WDR7: variants seen among roughly 807,000 people sequenced by gnomAD.
WDR7 encodes WD repeat domain 7.
In WDR7, 46 loss-of-function variants were observed where a neutral mutation model predicts 169.4. The ratio of observed to expected loss-of-function variants is 0.27; its 90% confidence interval spans 0.21 to 0.35. WDR7 has a LOEUF of 0.35. Among genes scored for constraint, WDR7 ranks in the 10% least tolerant of loss-of-function variants. The pLI is 1.00. For missense variants in WDR7, 1,534 were observed against 1,859.3 expected, an observed-to-expected ratio of 0.83 and a Z score of 3.22; for synonymous variants, 612 against 666.8, an observed-to-expected ratio of 0.92 and a Z score of 1.27.
chr18:56,944,905 TTAGA>T (rs1685540633), intron 25 of WDR7, among the ~76,000 whole-genome samples: 2 of 152,178 alleles, frequency 1.3e-5, no homozygotes, highest in South Asian at 2.1e-4. Context: ...TTTTGGAGAA[TTAGA>T]TAGTGATATT....
chr18:56,681,061 C>T (rs987588889), intron 3 of WDR7, among the ~76,000 whole-genome samples: 2 of 152,032 alleles, frequency 1.3e-5, no homozygotes, highest in Middle Eastern at 3.4e-3. Flanking sequence ...TTAACCAAAA[C>T]GGAACCAGGA....
intron 18 of WDR7, among the ~76,000 whole-genome samples, chr18:56,780,527 A>G (rs1451178662): frequency 6.6e-6 from 1 of 152,210 alleles, no homozygotes; most frequent in Non-Finnish European, 1.5e-5. Context: ...TCAATTATAA[A>G]GAGTTAATAG....
At chr18:56,766,771 T>G (rs1427025166) in intron 16 of WDR7, among the ~76,000 whole-genome samples, 1 of 152,180 alleles carries the variant, frequency 6.6e-6, no homozygotes, top group Non-Finnish European at 1.5e-5. Flanking sequence ...TTTTTTTTCC[T>G]TGTCTCTACC....
Position 56,965,352 on chromosome 18 carries a change from T to G in WDR7, c.4164+2823T>G, listed in dbSNP as rs555467279. Among the ~76,000 whole-genome samples, 2 of 151,926 alleles carry G rather than the reference T, an allele frequency of 1.3e-5. 1 individual carries two copies. The highest frequency in any genetic ancestry group is 4.8e-5 in the African/African-American group (2 of 41,450). ...CTGAGAGACTGAAGGGTCATATATGTCCCCTGTTGTCATTGTGAGATTGGT... is the reference window on the plus strand; with the variant it reads ...CTGAGAGACTGAAGGGTCATATATGGCCCCTGTTGTCATTGTGAGATTGGT... On this transcript the variant is annotated intron_variant, in intron 26 of 27. Coordinates refer to ENST00000254442, the MANE Select transcript of WDR7 (RefSeq NM_015285.3).
At chr18:56,695,795 A>T (rs369168003) in intron 11 of WDR7, among the ~76,000 whole-genome samples, 233 of 152,304 alleles carry the variant, frequency 1.5e-3, no homozygotes, top group African/African-American at 5.3e-3. Flanking sequence ...TCGGCCTCTC[A>T]ACAGCCAGTG....
chr18:56,903,660 T>C (rs1305191186), intron 21 of WDR7, among the ~76,000 whole-genome samples: 2 of 152,072 alleles, frequency 1.3e-5, no homozygotes, highest in Non-Finnish European at 2.9e-5. Flanking sequence ...CCTCAAGTGA[T>C]GCGCACTCCT....
At chr18:56,944,659 C>T (rs1414445812) in intron 25 of WDR7, among the ~76,000 whole-genome samples, 1 of 152,176 alleles carries the variant, frequency 6.6e-6, no homozygotes, top group East Asian at 1.9e-4. Flanking sequence ...GCTGTTAAAA[C>T]TTCCGATGTC....
At chr18:57,020,352 T>C (rs1367994693) in intron 26 of WDR7, among the ~76,000 whole-genome samples, 2 of 152,236 alleles carry the variant, frequency 1.3e-5, no homozygotes, top group African/African-American at 4.8e-5. Flanking sequence ...GCTTTGATTG[T>C]TTTTTATTTC....
chr18:56,734,497 T>A (rs1193786633), intron 14 of WDR7, among the ~76,000 whole-genome samples: 1 of 149,692 alleles, frequency 6.7e-6, no homozygotes, highest in Non-Finnish European at 1.5e-5. Context: ...AGGCAAAAAT[T>A]GCCCCCGGTT....
intron 25 of WDR7, among the ~76,000 whole-genome samples, chr18:56,959,072 G>C (rs140703358): frequency 6.6e-6 from 1 of 152,230 alleles, no homozygotes; most frequent in African/African-American, 2.4e-5. Flanking sequence ...TGTTAAACAA[G>C]GTGGCCCATA....
chr18:57,019,526 T>C (rs1174963286), intron 26 of WDR7, among the ~76,000 whole-genome samples: 2 of 152,198 alleles, frequency 1.3e-5, no homozygotes, highest in Non-Finnish European at 1.5e-5. Flanking sequence ...TAACTTTTTT[T>C]TTGAGTGTTA....
intron 20 of WDR7, among the ~76,000 whole-genome samples, chr18:56,816,508 A>T (rs931972401): frequency 6.6e-6 from 1 of 152,240 alleles, no homozygotes; most frequent in Non-Finnish European, 1.5e-5. Flanking sequence ...ACTAAAAAAT[A>T]CTAAAATTTA....
At chr18:56,939,045 A>C (rs1254710009) in intron 24 of WDR7, among the ~76,000 whole-genome samples, 3 of 152,264 alleles carry the variant, frequency 2.0e-5, no homozygotes, top group South Asian at 4.1e-4. Context: ...TGAATAATGT[A>C]TTATGTACAT....
At chr18:56,852,810 T>C (rs2045661721) in intron 20 of WDR7, among the ~76,000 whole-genome samples, 1 of 152,160 alleles carries the variant, frequency 6.6e-6, no homozygotes, top group Admixed American at 6.5e-5. Flanking sequence ...TCATTTGAAA[T>C]AAAAATATAT....
At chr18:56,829,313 A>C (rs765653514) in intron 20 of WDR7, among the ~76,000 whole-genome samples, 8 of 151,786 alleles carry the variant, frequency 5.3e-5, no homozygotes, top group Non-Finnish European at 1.2e-4. Context: ...CACACACACA[A>C]AATAGGACTG....
chr18:56,957,771 T>C (rs1343588599), intron 25 of WDR7, among the ~76,000 whole-genome samples: 1 of 152,114 alleles, frequency 6.6e-6, no homozygotes, highest in Non-Finnish European at 1.5e-5. Flanking sequence ...TACGCTTAGA[T>C]TTAAGATGGT....
At chr18:56,809,044 TACTC>T (rs1363920328) in intron 19 of WDR7, among the ~76,000 whole-genome samples, 1 of 152,094 alleles carries the variant, frequency 6.6e-6, no homozygotes, top group Admixed American at 6.6e-5. Flanking sequence ...TGTCCAGACT[TACTC>T]ATACCAGCTT....
At chr18:56,677,584 A>G (rs1323266986) in intron 2 of WDR7, among the ~76,000 whole-genome samples, 1 of 152,084 alleles carries the variant, frequency 6.6e-6, no homozygotes, top group African/African-American at 2.4e-5. Flanking sequence ...TCCTGGCCTC[A>G]AGTGATTCAC....
chr18:56,824,562 A>G (rs1342373483), intron 20 of WDR7, among the ~76,000 whole-genome samples: 1 of 152,200 alleles, frequency 6.6e-6, no homozygotes, highest in Non-Finnish European at 1.5e-5. Context: ...CACATTTGCT[A>G]TATCCTTCCT....
Sources: allele counts gnomAD v4.1 joint callset (sites outside exome capture counted in the v4.1 genomes callset), GRCh38; gene constraint gnomAD v4.1.1; transcripts MANE v1.5; gene names NCBI Gene and HGNC (gene_info 2026-07-23, HGNC 2026-07-21).